Variants in AHDC1 observed in about 807,000 individuals in gnomAD.
The protein encoded by AHDC1 is transcription factor Gibbin.
In AHDC1, 7 loss-of-function variants were observed where a neutral mutation model predicts 87.9. That is an observed-to-expected ratio of 0.08 (90% CI 0.05 to 0.15). AHDC1 has a LOEUF of 0.15. Among genes scored for constraint, AHDC1 ranks in the 10% least tolerant of loss-of-function variants. The pLI, the probability that AHDC1 is intolerant of heterozygous loss-of-function variation, is 1.00. For synonymous variants in AHDC1, 1,051 were observed against 1,006.8 expected (o/e 1.04, Z -0.83); for missense variants, 1,841 against 2,253.2 (o/e 0.82, Z 3.70).
Position 27,600,622 on chromosome 1 carries a change from T to C in AHDC1, c.-629+2775A>G, listed in dbSNP as rs574005394. 4.6e-5 allele frequency among the ~76,000 whole-genome samples: 7 copies of C among 152,214 alleles called. No homozygotes were observed. In the East Asian group the frequency reaches 5.8e-4, roughly 13 times the overall value. On this transcript the variant is annotated intron_variant, in intron 3 of 8. Transcript: ENST00000673934. ...GTTCAAAGTCAGTGCTCCAGGCTGA[T>C]TGGAGAACAACAATGTCCCTCTGGG...
intron 5 of AHDC1, among the ~76,000 whole-genome samples, chr1:27,554,499 G>A (rs952755498): frequency 1.3e-5 from 2 of 152,038 alleles, no homozygotes; most frequent in Non-Finnish European, 1.5e-5. Flanking sequence ...AATATTTACC[G>A]ACTGACTCCC....
At chr1:27,545,246 G>A (rs558287279) in intron 8 of AHDC1, among the ~76,000 whole-genome samples, 1 of 152,156 alleles carries the variant, frequency 6.6e-6, no homozygotes, top group Admixed American at 6.5e-5. Flanking sequence ...AGCCCCCTGA[G>A]GACCAGTACC....
At position 27,547,998 on chromosome 1, in the gene AHDC1, G is replaced by A; in HGVS notation, c.4118C>T (p.Pro1373Leu). 6.2e-7 allele frequency: 1 copy of A among 1,608,084 alleles called. No homozygotes were observed. The highest frequency in any genetic ancestry group is 8.5e-7 in the Non-Finnish European group (1 of 1,175,596). ...TGGGAAATGCTTGCCATCAAGCTCG[G>A]GAGCACCCAGGCTGGGCGAGTCGCA... Reference protein sequence around the residue: ...FHCDSPSLGAPELDGKHFPPL... With the variant: ...FHCDSPSLGALELDGKHFPPL... Residue 1373 changes from proline to leucine, a missense_variant, in exon 8 of 9, where the codon CCC becomes CTC. Pro to Leu is a moderately conservative substitution (Grantham distance 98, BLOSUM62 -3). Around this residue, in one of 13 missense-constraint regions of AHDC1, gnomAD observed 505 missense variants for 626.2 expected, o/e 0.81. Transcript: ENST00000673934. The surrounding 1 kb of genome is among the most constrained non-coding windows in gnomAD (Gnocchi z 4.9).
chr1:27,569,681 C>T (rs1179886093), intron 3 of AHDC1, among the ~76,000 whole-genome samples: 2 of 152,090 alleles, frequency 1.3e-5, no homozygotes, highest in East Asian at 1.9e-4. Context: ...AATGGGGCAG[C>T]GTGACAGCAG....
At chr1:27,592,465 G>A (rs1244324680) in intron 3 of AHDC1, among the ~76,000 whole-genome samples, 2 of 152,212 alleles carry the variant, frequency 1.3e-5, no homozygotes, top group African/African-American at 4.8e-5. Context: ...CAGGGGTGCG[G>A]AGCTGGGGGC....
intron 3 of AHDC1, among the ~76,000 whole-genome samples, chr1:27,571,173 G>T (rs1243692550): frequency 6.6e-6 from 1 of 152,138 alleles, no homozygotes; most frequent in East Asian, 1.9e-4. Context: ...GGTGGAATGA[G>T]GGTATCCAGA....
chr1:27,571,137 A>G (rs2020549695), intron 3 of AHDC1, among the ~76,000 whole-genome samples: 1 of 152,150 alleles, frequency 6.6e-6, no homozygotes, highest in Non-Finnish European at 1.5e-5. Flanking sequence ...GAGGGAGTGT[A>G]GGAAGAATCT....
Position 27,565,795 on chromosome 1 carries a change from A to G in AHDC1, c.-628-6912T>C, listed in dbSNP as rs1427223087. ...TGTTCTCTAGAGAGCTTCTTGGGCC[A>G]GTTTAGCTCCTGGAACTATCTTCTG... On this transcript the variant is annotated intron_variant, in intron 3 of 8. Coordinates refer to ENST00000673934, the MANE Select transcript of AHDC1 (RefSeq NM_001371928.1). This position sits in a 1 kb window ranked among gnomAD's most constrained non-coding sequence, Gnocchi z 4.6. Among the ~76,000 whole-genome samples, 2 of 152,204 alleles carry G rather than the reference A, an allele frequency of 1.3e-5. No homozygotes were observed. The highest frequency in any genetic ancestry group is 4.8e-5 in the African/African-American group (2 of 41,438).
rs1436397730 is a variant in AHDC1, at chr1:27,598,819, C to G, written c.-629+4578G>C. Reference sequence around the variant, plus strand: ...GTGCTCACCGCCTGCCCAAGCCCCCCAACACCAGCATCCACCGTCATGACA... The same window carrying G: ...GTGCTCACCGCCTGCCCAAGCCCCCGAACACCAGCATCCACCGTCATGACA... On this transcript the variant is annotated intron_variant, in intron 3 of 8. Coordinates refer to ENST00000673934, the MANE Select transcript of AHDC1 (RefSeq NM_001371928.1). This position sits in a 1 kb window ranked among gnomAD's most constrained non-coding sequence, Gnocchi z 4.2. 6.6e-6 allele frequency among the ~76,000 whole-genome samples: 1 copy of G among 152,188 alleles called. No individual in the cohort carries two copies. Among genetic ancestry groups the G allele is most frequent in the African/African-American group, 2.4e-5 (1 of 41,430 alleles).
intron 8 of AHDC1, among the ~76,000 whole-genome samples, chr1:27,544,621 T>C (rs2019083156): frequency 6.6e-6 from 1 of 152,240 alleles, no homozygotes; most frequent in Admixed American, 6.5e-5. Context: ...ACTCCCTCTA[T>C]GAACTTTTTC....
Position 27,549,134 on chromosome 1 carries a change from G to T in AHDC1, c.2982C>A (p.Asn994Lys). Reference sequence around the variant, plus strand: ...CATAGGCGAAGCTGCAGTCCTTGCTGTTAGCGCAGTCCTGGCCTGTAAAGG... The same window carrying T: ...CATAGGCGAAGCTGCAGTCCTTGCTTTTAGCGCAGTCCTGGCCTGTAAAGG... ...TKPFTGQDCANSKDCSFAYGS... is the reference protein window; with the variant it reads ...TKPFTGQDCAKSKDCSFAYGS... Residue 994 changes from asparagine (N) to lysine (K), a missense_variant, in exon 8 of 9, where the codon AAC becomes AAA. Around this residue, in one of 13 missense-constraint regions of AHDC1, gnomAD observed 378 missense variants for 399.0 expected, o/e 0.95. Coordinates refer to ENST00000673934, the MANE Select transcript of AHDC1 (RefSeq NM_001371928.1). 1 of 1,553,850 alleles carries T rather than the reference G, an allele frequency of 6.4e-7. No homozygotes were observed. The highest frequency in any genetic ancestry group is 8.7e-7 in the Non-Finnish European group (1 of 1,148,602).
rs2020213005 is a variant in AHDC1 at position 27,563,998 on chromosome 1, T to C, written c.-628-5115A>G. Among the ~76,000 whole-genome samples the C allele has an allele frequency of 6.6e-6, 1 of 152,184 alleles. No individual in the cohort carries two copies. On this transcript the variant is annotated intron_variant, in intron 3 of 8. Transcript: ENST00000673934. This position sits in a 1 kb window ranked among gnomAD's most constrained non-coding sequence, Gnocchi z 6.1. The stretch of plus-strand genomic sequence containing the variant: ...GGGGAGTAGGGCGGTTAGGGGTTGC[T>C]ATCACCATGTGCTCAGTGGGAAGAG...
At position 27,588,990 on chromosome 1, in the gene AHDC1, C is replaced by G. The variant is rs553874099; in HGVS notation, c.-629+14407G>C. Among the ~76,000 whole-genome samples the G allele has an allele frequency of 2.6e-5, 4 of 152,088 alleles. No individual in the cohort carries two copies. In the South Asian group the frequency reaches 8.3e-4, roughly 32 times the overall value. On this transcript the variant is annotated intron_variant, in intron 3 of 8. Coordinates refer to ENST00000673934, the MANE Select transcript of AHDC1 (RefSeq NM_001371928.1). ...GGGGGGCTGTTGTTGTGAACATGTG[C>G]ATGAGGAGATGGTGTCCCTGTGAGT...
chr1:27,574,141 T>A (rs2088630257), intron 3 of AHDC1, among the ~76,000 whole-genome samples: 1 of 152,134 alleles, frequency 6.6e-6, no homozygotes, highest in South Asian at 2.1e-4. Context: ...AAAGCAGAAT[T>A]CCACCAGCCT....
intron 3 of AHDC1, among the ~76,000 whole-genome samples, chr1:27,584,431 C>T (rs1392850938): frequency 6.6e-6 from 1 of 152,220 alleles, no homozygotes; most frequent in Non-Finnish European, 1.5e-5. Flanking sequence ...GGTGAGGAAA[C>T]TGAGGCTCAG....
At chr1:27,577,444 A>G (rs2088787354) in intron 3 of AHDC1, among the ~76,000 whole-genome samples, 1 of 152,026 alleles carries the variant, frequency 6.6e-6, no homozygotes, top group African/African-American at 2.4e-5. Flanking sequence ...GTCCCAGACT[A>G]TGGGCCCCTA....
At chr1:27,594,028 G>A (rs1431569429) in intron 3 of AHDC1, among the ~76,000 whole-genome samples, 8 of 152,110 alleles carry the variant, frequency 5.3e-5, no homozygotes, top group Non-Finnish European at 1.2e-4. Flanking sequence ...GCAATACCCA[G>A]AGCCCCCCTA....
In AHDC1 at chr1:27,593,215, G is replaced by A. The variant is rs1026248971; in HGVS notation, c.-629+10182C>T. ...GAGGTGGGGAAGGGGGAGCAGCTCCGTCCCTCCCCTCCCCCTCCACTCCTC... is the reference window on the plus strand; with the variant it reads ...GAGGTGGGGAAGGGGGAGCAGCTCCATCCCTCCCCTCCCCCTCCACTCCTC... On this transcript the variant is annotated intron_variant, in intron 3 of 8. Coordinates refer to ENST00000673934, the MANE Select transcript of AHDC1 (RefSeq NM_001371928.1). This position sits in a 1 kb window ranked among gnomAD's most constrained non-coding sequence, Gnocchi z 4.9. Among the ~76,000 whole-genome samples, 13 of 151,888 alleles carry A rather than the reference G, an allele frequency of 8.6e-5. No homozygotes were observed. The highest frequency in any genetic ancestry group is 1.8e-4 in the Non-Finnish European group (12 of 67,910).
intron 5 of AHDC1, among the ~76,000 whole-genome samples, chr1:27,557,422 C>A (rs551076280): frequency 1.0e-3 from 158 of 152,132 alleles, no homozygotes; most frequent in African/African-American, 3.7e-3. Context: ...TCCACGCCCC[C>A]CCGCTCCCCG....
Sources: allele counts gnomAD v4.1 joint callset (sites outside exome capture counted in the v4.1 genomes callset), GRCh38; gene constraint gnomAD v4.1.1; regional missense constraint gnomAD v4.1.1; non-coding constraint Gnocchi (gnomAD v3.1); transcripts MANE v1.5; gene names NCBI Gene and HGNC (gene_info 2026-07-23, HGNC 2026-07-21).